The following LTBP1 variants were observed in gnomAD, a reference collection of about 807,000 sequenced individuals.
The protein encoded by LTBP1 is latent transforming growth factor beta binding protein 1.
A neutral mutation model predicts 207.6 loss-of-function variants in LTBP1; 129 were observed. That is an observed-to-expected ratio of 0.62 (90% CI 0.54 to 0.72). LTBP1 has a LOEUF of 0.72. LTBP1 is among the 30% of genes least tolerant of loss of function. LTBP1 has a pLI of 0.00. For missense variants in LTBP1, 2,281 were observed against 2,217.2 expected, an observed-to-expected ratio of 1.03 and a Z score of -0.58; for synonymous variants, 963 against 833.7, an observed-to-expected ratio of 1.16 and a Z score of -2.67.
chr2:33,224,706 T>C (rs1295957282), intron 9 of LTBP1, among the ~76,000 whole-genome samples: 2 of 152,180 alleles, frequency 1.3e-5, no homozygotes, highest in African/African-American at 4.8e-5. Flanking sequence ...GTCAAATGTA[T>C]TAATATGAAA....
At chr2:33,353,839 A>G (rs2094816552) in intron 26 of LTBP1, among the ~76,000 whole-genome samples, 1 of 150,966 alleles carries the variant, frequency 6.6e-6, no homozygotes, top group Non-Finnish European at 1.5e-5. Flanking sequence ...GAGGTACACT[A>G]CAGGTTTTGT....
chr2:33,394,412 G>A (rs1244697285), intron 32 of LTBP1, among the ~76,000 whole-genome samples: 1 of 151,892 alleles, frequency 6.6e-6, no homozygotes, highest in Non-Finnish European at 1.5e-5. Flanking sequence ...TTTATTCTAG[G>A]GTTTTTATGG....
intron 24 of LTBP1, among the ~76,000 whole-genome samples, chr2:33,335,347 C>A (rs772380557): frequency 4.6e-5 from 7 of 151,912 alleles, no homozygotes; most frequent in African/African-American, 7.3e-5. Flanking sequence ...TTTTTCCTGC[C>A]CTTCTCTGTC....
intron 3 of LTBP1, among the ~76,000 whole-genome samples, chr2:33,052,371 A>G (rs748866107): frequency 1.6e-4 from 24 of 152,272 alleles, no homozygotes; most frequent in Non-Finnish European, 3.2e-4. Flanking sequence ...ATACCTAGCT[A>G]AGACTGAATT....
intron 2 of LTBP1, among the ~76,000 whole-genome samples, chr2:32,970,466 C>A (rs1231698290): frequency 6.6e-6 from 1 of 152,072 alleles, no homozygotes; most frequent in African/African-American, 2.4e-5. Flanking sequence ...CAGTTTCAAT[C>A]TTCTGCATGT....
At chr2:33,080,839 TAC>T (rs1480063460) in intron 3 of LTBP1, among the ~76,000 whole-genome samples, 5 of 152,212 alleles carry the variant, frequency 3.3e-5, no homozygotes, top group African/African-American at 1.2e-4. Flanking sequence ...CATGCGTATA[TAC>T]ACACACATAT....
chr2:33,339,389 T>A lies in LTBP1; in HGVS notation c.3731-3449T>A, dbSNP rs2094589682. ...TATTTCCGAGTTTCTTTCCAGCCCT[T>A]AAATCCTGTGGTTCAATGAATAACA... On this transcript the variant is annotated intron_variant, in intron 24 of 33. Transcript: ENST00000404816. 3.3e-5 allele frequency among the ~76,000 whole-genome samples: 5 copies of A among 152,198 alleles called. No individual in the cohort carries two copies. The South Asian group carries it at 8.3e-4, about 25-fold the overall frequency.
rs1360268447 is a variant in LTBP1 at position 33,345,206 on chromosome 2, C to A, written c.3857-2161C>A. Among the ~76,000 whole-genome samples, 3 of 152,222 alleles carry A rather than the reference C, an allele frequency of 2.0e-5. No homozygotes were observed. The East Asian group carries it at 5.8e-4, about 29-fold the overall frequency. ...CTCCAGTATCATTTCTCTAACCCAC[C>A]CCCACATTTAAGGTCTGCTGTTCCA... On this transcript the variant is annotated intron_variant, in intron 25 of 33. Coordinates refer to ENST00000404816, the MANE Select transcript of LTBP1 (RefSeq NM_206943.4).
At chr2:33,160,874 T>C (rs1430774069) in intron 5 of LTBP1, among the ~76,000 whole-genome samples, 1 of 152,144 alleles carries the variant, frequency 6.6e-6, no homozygotes. Context: ...TAATTTTTGT[T>C]AGAGGAGAGG....
chr2:33,069,524 C>T (rs2077681665), intron 3 of LTBP1, among the ~76,000 whole-genome samples: 1 of 152,134 alleles, frequency 6.6e-6, no homozygotes, highest in Admixed American at 6.5e-5. Context: ...CTGGGGTGAA[C>T]AGAGGGCAGG....
At chr2:33,031,021 A>G (rs1034665317) in intron 3 of LTBP1, among the ~76,000 whole-genome samples, 6 of 152,170 alleles carry the variant, frequency 3.9e-5, no homozygotes, top group African/African-American at 1.2e-4. Flanking sequence ...TTCATATTAA[A>G]GATTGTTTTT....
chr2:33,301,414 C>T (rs2093986902), intron 21 of LTBP1, 108 bp from the exon 22 acceptor site: 17 of 1,304,792 alleles, frequency 1.3e-5, no homozygotes, highest in Non-Finnish European at 1.8e-5. Flanking sequence ...ATGGTCATTA[C>T]TTGTATCAAC....
intron 19 of LTBP1, among the ~76,000 whole-genome samples, chr2:33,280,425 A>G (rs941490122): frequency 2.0e-5 from 3 of 152,204 alleles, no homozygotes; most frequent in Non-Finnish European, 4.4e-5. Context: ...ACCAAATAAG[A>G]TAGTAAGGTC....
chr2:33,170,864 G>A, intron 5 of LTBP1, among the ~76,000 whole-genome samples: 1 of 152,080 alleles, frequency 6.6e-6, no homozygotes, highest in Non-Finnish European at 1.5e-5. Flanking sequence ...AAAATCTGCT[G>A]TTCTACAGCC....
intron 7 of LTBP1, among the ~76,000 whole-genome samples, chr2:33,195,479 A>G (rs1187008597): frequency 6.6e-6 from 1 of 152,184 alleles, no homozygotes; most frequent in Non-Finnish European, 1.5e-5. Context: ...GGAAGTCACT[A>G]CAGATATGGT....
chr2:33,032,252 A>G (rs976572670), intron 3 of LTBP1, among the ~76,000 whole-genome samples: 1 of 152,238 alleles, frequency 6.6e-6, no homozygotes, highest in African/African-American at 2.4e-5. Flanking sequence ...TCATCAACCC[A>G]TAATCAAAAC....
chr2:33,143,101 G>T (rs1406052082), intron 5 of LTBP1, among the ~76,000 whole-genome samples: 2 of 152,128 alleles, frequency 1.3e-5, no homozygotes, highest in Admixed American at 1.3e-4. Flanking sequence ...AAGTGCTCCG[G>T]GGTGTCTTGT....
intron 10 of LTBP1, 34 bp downstream of exon 10, chr2:33,243,818 A>G: frequency 6.2e-7 from 1 of 1,612,266 alleles, no homozygotes; most frequent in Non-Finnish European, 8.5e-7. Context: ...CCTGTTTTGG[A>G]TTAATTGTCT....
In LTBP1 at chr2:32,991,969, T is replaced by G. The variant is rs552801986; in HGVS notation, c.566-28940T>G. ...ATTTGCTGGTATTATTGGTCTCCAC[T>G]TGTAGATGACACAAAAACAGTCCTC... On this transcript the variant is annotated intron_variant, in intron 2 of 33. Coordinates refer to ENST00000404816, the MANE Select transcript of LTBP1 (RefSeq NM_206943.4). 5.9e-5 allele frequency among the ~76,000 whole-genome samples: 9 copies of G among 152,332 alleles called. No individual in the cohort carries two copies. In the South Asian group the frequency reaches 1.9e-3, roughly 32 times the overall value.
Sources: gnomAD v4.1 joint callset for allele counts (sites outside exome capture counted in the v4.1 genomes callset) on GRCh38, gnomAD v4.1.1 for gene constraint, MANE v1.5 for transcripts, NCBI Gene and HGNC (gene_info 2026-07-23, HGNC 2026-07-21) for gene names.